The following TBX10 variants were observed in gnomAD, a reference collection of about 807,000 sequenced individuals.
TBX10 encodes the protein T-box transcription factor 10, also known as T-box transcription factor TBX10.
Under a neutral mutation model 32.4 loss-of-function variants are expected in TBX10, and 26 were observed. That is an observed-to-expected ratio of 0.80 (90% CI 0.59 to 1.11). The LOEUF is 1.11. TBX10 is among the 50% of genes most tolerant of loss of function. TBX10 has a pLI of 0.00. For synonymous variants in TBX10, 195 were observed against 203.1 expected (o/e 0.96, Z 0.34); for missense variants, 490 against 494.5 (o/e 0.99, Z 0.09).
Position 67,634,830 on chromosome 11 carries a change from G to T in TBX10, c.363C>A (p.Asp121Glu). The T allele has an allele frequency of 6.2e-7, 1 of 1,613,498 alleles. No individual in the cohort carries two copies. The highest frequency in any genetic ancestry group is 8.5e-7 in the Non-Finnish European group (1 of 1,180,016). ...YALLMDFIPLDDKRYRYAFHS... is the reference protein window; with the variant it reads ...YALLMDFIPLEDKRYRYAFHS... ...GGTCCCCGCACCTGTATCTCTTGTC[G>T]TCCAGGGGGATGAAGTCCATGAGCA... The change falls in exon 3 of 8, where the codon GAC becomes GAA. Residue 121 changes from aspartate (D) to glutamate (E), a missense_variant. Around this residue, in one of 3 missense-constraint regions of TBX10, gnomAD observed 307 missense variants for 294.9 expected, o/e 1.04. Coordinates refer to ENST00000335385, the MANE Select transcript of TBX10 (RefSeq NM_005995.5).
intron 1 of TBX10, among the ~76,000 whole-genome samples, chr11:67,638,737 C>G (rs1438815694): frequency 6.6e-6 from 1 of 152,184 alleles, no homozygotes; most frequent in Non-Finnish European, 1.5e-5. Flanking sequence ...GTCTTTGTGA[C>G]AGGGATGGGT....
At chr11:67,636,284 T>G (rs1855326824) in intron 1 of TBX10, among the ~76,000 whole-genome samples, 1 of 150,122 alleles carries the variant, frequency 6.7e-6, no homozygotes, top group South Asian at 2.1e-4. Flanking sequence ...GATCTCCCTA[T>G]GTTGCCCAGG....
chr11:67,632,851 C>A (rs1388855260), intron 5 of TBX10, 97 bp downstream of exon 5: 3 of 1,597,832 alleles, frequency 1.9e-6, no homozygotes, highest in African/African-American at 1.3e-5. Context: ...GTTGGGAGGG[C>A]AGTAGTCTGT....
chr11:67,639,500 G>T lies in TBX10; in HGVS notation c.-28C>A, dbSNP rs775373655. The T allele has an allele frequency of 1.6e-5, 25 of 1,612,118 alleles. No homozygotes were observed. In the East Asian group the frequency reaches 4.9e-4, roughly 32 times the overall value. On this transcript the variant is annotated 5_prime_UTR_variant, in exon 1 of 8. Coordinates refer to ENST00000335385, the MANE Select transcript of TBX10 (RefSeq NM_005995.5). ...AGACAGAGAGGCTGTCCGGCTCCTG[G>T]AGAAACACTGCTTGGCTGGGGCTGG...
chr11:67,639,393 T>TTGCCCCGGGGGCCCCC, intron 1 of TBX10, 73 bp downstream of exon 1: 1 of 726,924 alleles, frequency 1.4e-6, no homozygotes, highest in Non-Finnish European at 2.5e-6. Flanking sequence ...CTGTCTTGGT[T>TTGCCCCGGGGGCCCCC]CCCACCCTGC....
At chr11:67,634,679 C>T (rs1855296171) in intron 3 of TBX10, 137 bp downstream of exon 3, 2 of 984,854 alleles carry the variant, frequency 2.0e-6, no homozygotes, top group Admixed American at 2.0e-5. Flanking sequence ...TGTTGCGTGT[C>T]TGTCGTCCTG....
intron 1 of TBX10, among the ~76,000 whole-genome samples, chr11:67,636,571 C>T (rs1376675183): frequency 6.6e-6 from 1 of 151,954 alleles, no homozygotes; most frequent in Non-Finnish European, 1.5e-5. Flanking sequence ...GATCTCGGCT[C>T]ACTGCAACCT....
chr11:67,635,483 C>T lies in TBX10; in HGVS notation c.8-220G>A, dbSNP rs146556701. Among the ~76,000 whole-genome samples the T allele has an allele frequency of 8.9e-3, 1,354 of 152,308 alleles. 18 individuals carry two copies. The highest frequency in any genetic ancestry group is 0.011 in the Non-Finnish European group (772 of 68,018). On this transcript the variant is annotated intron_variant, in intron 1 of 7. Coordinates refer to ENST00000335385, the MANE Select transcript of TBX10 (RefSeq NM_005995.5). ...GACGGTAGTGTCAGGGCCTGTCTTGCTCCCCAGAGAATGTTTGGGCCATCT... is the reference window on the plus strand; with the variant it reads ...GACGGTAGTGTCAGGGCCTGTCTTGTTCCCCAGAGAATGTTTGGGCCATCT...
At chr11:67,637,634 G>GA (rs1855348997) in intron 1 of TBX10, among the ~76,000 whole-genome samples, 1 of 152,218 alleles carries the variant, frequency 6.6e-6, no homozygotes, top group African/African-American at 2.4e-5. Flanking sequence ...TAAGGAAGAG[G>GA]AACAGGCTAT....
intron 4 of TBX10, among the ~76,000 whole-genome samples, chr11:67,633,529 G>A (rs1398430134): frequency 1.3e-5 from 2 of 152,148 alleles, no homozygotes; most frequent in Non-Finnish European, 2.9e-5. Context: ...CCCGAAGTCA[G>A]CCCGACCCCT....
chr11:67,636,773 C>T (rs1432365415), intron 1 of TBX10, among the ~76,000 whole-genome samples: 3 of 152,208 alleles, frequency 2.0e-5, no homozygotes, highest in African/African-American at 4.8e-5. Flanking sequence ...GCTGGGGTTA[C>T]AGGCGTGAGC....
At position 67,634,227 on chromosome 11, in the gene TBX10, G is replaced by A. The variant is rs754069888; in HGVS notation, c.511C>T (p.Leu171Phe). ...WMRQIVSFDK[L>F]KLTNNLLDDN... is the part of the protein sequence containing the mutation. ...TCCAGCAGGTTGTTGGTCAGCTTGA[G>A]CTTGTCAAAGGACACAATCTGGCGC... The change falls in exon 4 of 8, where the codon CTC becomes TTC. Residue 171 changes from leucine (L) to phenylalanine (F), a missense_variant. Transcript: ENST00000335385. The A allele has an allele frequency of 1.9e-6, 3 of 1,613,300 alleles. No homozygotes were observed. The highest frequency in any genetic ancestry group is 1.1e-5 in the South Asian group (1 of 91,086).
At position 67,635,280 on chromosome 11, in the gene TBX10, G is replaced by A; in HGVS notation, c.8-17C>T. On this transcript the variant is annotated splice_polypyrimidine_tract_variant and intron_variant, in intron 1 of 7. Transcript: ENST00000335385. ...ATAGGAAGGCTGTGGAGAGAGGACG[G>A]AAGTGTGGGCCCCACGCATCACCCA... The A allele has an allele frequency of 6.2e-7, 1 of 1,612,808 alleles. No homozygotes were observed. Among genetic ancestry groups the A allele is most frequent in the Non-Finnish European group, 8.5e-7 (1 of 1,179,982 alleles).
rs769143358 is a variant in TBX10, at chr11:67,633,058, C to A, written c.595G>T (p.Val199Phe). Residue 199 changes from valine to phenylalanine, a missense_variant, in exon 5 of 8, where the codon GTC becomes TTC. By Grantham distance (50) the Val-to-Phe change is conservative. Transcript: ENST00000335385. ...MHRYQPRFHV[V>F]FVDPRKDSER... ...CTGTCCTTGCGTGGGTCCACGAAGACCACGTGGAAACGGGGCTGGTAGCGG... is the reference window on the plus strand; with the variant it reads ...CTGTCCTTGCGTGGGTCCACGAAGAACACGTGGAAACGGGGCTGGTAGCGG... 1.2e-6 allele frequency: 2 copies of A among 1,614,020 alleles called. No homozygotes were observed. The highest frequency in any genetic ancestry group is 3.3e-5 in the Admixed American group (2 of 60,004).
intron 1 of TBX10, among the ~76,000 whole-genome samples, chr11:67,636,917 G>A (rs146259993): frequency 6.6e-6 from 1 of 152,360 alleles, no homozygotes; most frequent in African/African-American, 2.4e-5. Context: ...CACAATAGCT[G>A]AGAAGTGGAA....
chr11:67,637,389 C>T (rs921796694), intron 1 of TBX10, among the ~76,000 whole-genome samples: 20 of 152,154 alleles, frequency 1.3e-4, no homozygotes, highest in African/African-American at 4.8e-5. Context: ...AGGGTACACT[C>T]GCCAGCAGCT....
intron 1 of TBX10, among the ~76,000 whole-genome samples, chr11:67,638,742 A>G (rs1302674992): frequency 2.0e-5 from 3 of 152,172 alleles, no homozygotes; most frequent in East Asian, 1.9e-4. Context: ...TGTGACAGGG[A>G]TGGGTCACAT....
chr11:67,634,257 A>G lies in TBX10; in HGVS notation c.481T>C (p.Trp161Arg), dbSNP rs778409069. ...HPDSPAKGAQ[W>R]MRQIVSFDKL... ...TCAAAGGACACAATCTGGCGCATCC[A>G]CTGGGCACCCTTGGCTGGCGAGTCG... The change falls in exon 4 of 8, where the codon TGG becomes CGG. Residue 161 changes from tryptophan (W) to arginine (R), a missense_variant. Coordinates refer to ENST00000335385, the MANE Select transcript of TBX10 (RefSeq NM_005995.5). 1 of 1,613,162 alleles carries G rather than the reference A, an allele frequency of 6.2e-7. No homozygotes were observed. Among genetic ancestry groups the G allele is most frequent in the Non-Finnish European group, 8.5e-7 (1 of 1,179,970 alleles).
intron 4 of TBX10, among the ~76,000 whole-genome samples, chr11:67,633,748 C>G (rs553556970): frequency 2.0e-5 from 3 of 152,338 alleles, no homozygotes; most frequent in African/African-American, 7.2e-5. Flanking sequence ...CTCCGCCCCC[C>G]TTCCGTACCT....
Sources: gnomAD v4.1 joint callset for allele counts (sites outside exome capture counted in the v4.1 genomes callset) on GRCh38, gnomAD v4.1.1 for gene constraint, gnomAD v4.1.1 regional missense constraint, MANE v1.5 for transcripts, NCBI Gene and HGNC (gene_info 2026-07-23, HGNC 2026-07-21) for gene names.